Variants in SCAPER observed in about 807,000 individuals in gnomAD.
SCAPER encodes S-phase cyclin A associated protein in the ER.
A neutral mutation model predicts 182.2 loss-of-function variants in SCAPER; 98 were observed. The observed-to-expected ratio is 0.54, with a 90% CI of 0.46 to 0.64. The LOEUF is 0.64. SCAPER is among the 30% of genes least tolerant of loss of function. SCAPER has a pLI of 0.00. For missense variants in SCAPER, 1,432 were observed against 1,690.0 expected, an observed-to-expected ratio of 0.85 and a Z score of 2.68; for synonymous variants, 605 against 564.6, an observed-to-expected ratio of 1.07 and a Z score of -1.01.
At chr15:76,485,018 C>T (rs1283664493) in intron 24 of SCAPER, among the ~76,000 whole-genome samples, 1 of 152,210 alleles carries the variant, frequency 6.6e-6, no homozygotes, top group African/African-American at 2.4e-5. Context: ...TCTTTCACCA[C>T]TCCTATTCAA....
At chr15:76,867,808 C>T (rs1303200372) in intron 2 of SCAPER, among the ~76,000 whole-genome samples, 1 of 152,208 alleles carries the variant, frequency 6.6e-6, no homozygotes, top group African/African-American at 2.4e-5. Flanking sequence ...GCTTTCTTTC[C>T]TGTCACAAAG....
chr15:76,354,189 T>G lies in SCAPER; in HGVS notation c.3856-49A>C, dbSNP rs1327262631. 1 of 1,551,764 alleles carries G rather than the reference T, an allele frequency of 6.4e-7. No individual in the cohort carries two copies. The highest frequency in any genetic ancestry group is 1.2e-5 in the South Asian group (1 of 82,452). On this transcript the variant is annotated intron_variant, in intron 29 of 31. Transcript: ENST00000563290. The surrounding 1 kb of genome is among the most constrained non-coding windows in gnomAD (Gnocchi z 4.4). Reference sequence around the variant, plus strand: ...TCAGCTGCCGAAACGCCCCAGCCTGTCCCTCACCCACCTGCACAGTGTCGG... The same window carrying G: ...TCAGCTGCCGAAACGCCCCAGCCTGGCCCTCACCCACCTGCACAGTGTCGG...
At chr15:76,572,911 T>TCACACACACA (rs67724539) in intron 23 of SCAPER, among the ~76,000 whole-genome samples, 1,534 of 109,020 alleles carry the variant, frequency 0.014, 14 homozygotes, top group Middle Eastern at 0.031. Flanking sequence ...TCTCTCTCTC[T>TCACACACACA]CTCTCTCTCA....
intron 21 of SCAPER, among the ~76,000 whole-genome samples, chr15:76,641,360 A>C (rs892391078): frequency 6.6e-6 from 1 of 152,092 alleles, no homozygotes; most frequent in African/African-American, 2.4e-5. Flanking sequence ...CTCACCTCAT[A>C]ATCAAATGAC....
intron 3 of SCAPER, among the ~76,000 whole-genome samples, chr15:76,860,429 A>G (rs2071781153): frequency 6.6e-6 from 1 of 152,196 alleles, no homozygotes; most frequent in Admixed American, 6.5e-5. Context: ...TTCTCTAAAA[A>G]TAGCTAGGAA....
intron 4 of SCAPER, among the ~76,000 whole-genome samples, chr15:76,854,305 T>C (rs2071097430): frequency 6.6e-6 from 1 of 151,738 alleles, no homozygotes; most frequent in African/African-American, 2.4e-5. Flanking sequence ...AGCATTCTTA[T>C]ACACAACAAC....
At chr15:76,790,948 C>T (rs954861475) in intron 8 of SCAPER, among the ~76,000 whole-genome samples, 3 of 152,102 alleles carry the variant, frequency 2.0e-5, no homozygotes, top group Non-Finnish European at 2.9e-5. Flanking sequence ...AGAAATTTTC[C>T]TCAAAGCCTA....
chr15:76,362,828 A>T (rs953879505), intron 29 of SCAPER, among the ~76,000 whole-genome samples: 2 of 152,238 alleles, frequency 1.3e-5, no homozygotes, highest in African/African-American at 4.8e-5. Context: ...GAAACAGAAC[A>T]GAAAATGGTC....
At position 76,471,436 on chromosome 15, in the gene SCAPER, G is replaced by T. The variant is rs2050158700; in HGVS notation, c.2955-101C>A. 4.5e-6 allele frequency: 6 copies of T among 1,326,456 alleles called. No homozygotes were observed. The South Asian group carries it at 6.7e-5, about 15-fold the overall frequency. 82.2% of individuals were successfully genotyped at this position (1,326,456 alleles called of 1,614,324 possible). The stretch of plus-strand genomic sequence containing the variant: ...ATGGTATGAAAGCCAACAGGCATGA[G>T]ATGGAAGTCACTCTAAAAACCAAGC... On this transcript the variant is annotated intron_variant, in intron 24 of 31. Coordinates refer to ENST00000563290, the MANE Select transcript of SCAPER (RefSeq NM_020843.4).
At chr15:76,846,336 G>A (rs368461948) in intron 4 of SCAPER, among the ~76,000 whole-genome samples, 7 of 151,058 alleles carry the variant, frequency 4.6e-5, no homozygotes, top group African/African-American at 1.5e-4. Flanking sequence ...ATGCAAAAAT[G>A]TACAAATGGG....
intron 10 of SCAPER, among the ~76,000 whole-genome samples, chr15:76,767,362 T>C (rs1392015571): frequency 6.6e-6 from 1 of 152,132 alleles, no homozygotes; most frequent in African/African-American, 2.4e-5. Context: ...AACTGTGAAA[T>C]TATATAAATA....
intron 24 of SCAPER, among the ~76,000 whole-genome samples, chr15:76,504,626 A>G (rs1180652419): frequency 6.6e-6 from 1 of 152,220 alleles, no homozygotes; most frequent in Non-Finnish European, 1.5e-5. Context: ...TTGATTTCAG[A>G]TTAGAGCACA....
chr15:76,566,213 C>T (rs985842482), intron 23 of SCAPER, among the ~76,000 whole-genome samples: 1 of 152,136 alleles, frequency 6.6e-6, no homozygotes, highest in Non-Finnish European at 1.5e-5. Flanking sequence ...AGAGTTTCTA[C>T]CTTTCTACCT....
intron 4 of SCAPER, among the ~76,000 whole-genome samples, chr15:76,853,740 C>T (rs2071027804): frequency 1.3e-5 from 2 of 152,212 alleles, no homozygotes; most frequent in Admixed American, 1.3e-4. Context: ...GGAAGCATCT[C>T]CCCTGAAAAC....
At chr15:76,831,840 C>T (rs1318981795) in intron 5 of SCAPER, among the ~76,000 whole-genome samples, 1 of 152,106 alleles carries the variant, frequency 6.6e-6, no homozygotes, top group African/African-American at 2.4e-5. Context: ...GTTCCAGCCC[C>T]CCAGGGTTAG....
chr15:76,507,778 T>A (rs1301063060), intron 23 of SCAPER, among the ~76,000 whole-genome samples: 5 of 152,218 alleles, frequency 3.3e-5, no homozygotes, highest in Non-Finnish European at 7.3e-5. Context: ...AATAATTTTG[T>A]TATTAATGTA....
chr15:76,859,129 G>C (rs1230590743), intron 3 of SCAPER, among the ~76,000 whole-genome samples: 1 of 152,058 alleles, frequency 6.6e-6, no homozygotes, highest in Non-Finnish European at 1.5e-5. Flanking sequence ...AACCTCTCCA[G>C]CATTTCAAAA....
In SCAPER at chr15:76,594,053, G is replaced by A. The variant is rs565880586; in HGVS notation, c.2712-19769C>T. 3.3e-5 allele frequency among the ~76,000 whole-genome samples: 4 copies of A among 119,820 alleles called. 1 individual carries two copies. Among genetic ancestry groups the A allele is most frequent in the Admixed American group, 9.7e-5 (1 of 10,318 alleles). The allele number at this position is 119,820 out of a possible 152,430, so 78.6% of individuals were successfully genotyped here. On this transcript the variant is annotated intron_variant, in intron 22 of 31. Transcript: ENST00000563290. The stretch of plus-strand genomic sequence containing the variant: ...TGAGCTAAAGGAGCATGATATAACC[G>A]AATGCAAGGAAGCTAAGAACCTTGA...
At chr15:76,613,730 A>G (rs2051202696) in intron 22 of SCAPER, among the ~76,000 whole-genome samples, 1 of 152,228 alleles carries the variant, frequency 6.6e-6, no homozygotes, top group African/African-American at 2.4e-5. Context: ...ACCAGTTAAA[A>G]TGGCTACGAT....
Sources: gnomAD v4.1 joint callset for allele counts (sites outside exome capture counted in the v4.1 genomes callset) on GRCh38, gnomAD v4.1.1 for gene constraint, Gnocchi (gnomAD v3.1) non-coding constraint, MANE v1.5 for transcripts, NCBI Gene and HGNC (gene_info 2026-07-23, HGNC 2026-07-21) for gene names.